The following PRORP variants were observed in gnomAD, a reference collection of about 807,000 sequenced individuals.
The protein encoded by PRORP is protein only RNase P catalytic subunit, also known as mitochondrial ribonuclease P catalytic subunit.
PRORP carries 51 observed loss-of-function variants against 59.4 expected under a neutral mutation model. That is an observed-to-expected ratio of 0.86 (90% CI 0.69 to 1.08). The LOEUF (loss-of-function observed/expected upper bound fraction) is 1.08, where lower values mean the gene tolerates loss of function less well. PRORP is among the 50% of genes least tolerant of loss of function. The probability of loss-of-function intolerance (pLI) is 0.00; values close to 1 mark genes in which losing one functional copy is unlikely to be tolerated. For synonymous variants in PRORP, 231 were observed against 245.6 expected, an observed-to-expected ratio of 0.94 and a Z score of 0.55; for missense variants, 646 against 690.3, an observed-to-expected ratio of 0.94 and a Z score of 0.72.
chr14:35,152,778 C>T (rs1430296088), intron 4 of PRORP, among the ~76,000 whole-genome samples: 2 of 147,584 alleles, frequency 1.4e-5, no homozygotes, highest in African/African-American at 5.0e-5. Context: ...AGAGGCGCTC[C>T]TCACATCCCA....
intron 5 of PRORP, among the ~76,000 whole-genome samples, chr14:35,227,899 C>T (rs1200630134): frequency 6.6e-6 from 1 of 151,946 alleles, no homozygotes; most frequent in African/African-American, 2.4e-5. Flanking sequence ...AATCCCAGCA[C>T]TTTGGGAGGC....
chr14:35,165,022 C>G (rs2048149017), intron 4 of PRORP, among the ~76,000 whole-genome samples: 4 of 152,144 alleles, frequency 2.6e-5, no homozygotes, highest in Non-Finnish European at 1.5e-5. Flanking sequence ...GCACGCCTTG[C>G]TTAAGAATAC....
intron 5 of PRORP, among the ~76,000 whole-genome samples, chr14:35,207,385 C>G (rs76798410): frequency 3.4e-4 from 52 of 152,284 alleles, no homozygotes; most frequent in African/African-American, 1.1e-3. Context: ...AAAAAATTAC[C>G]TTCTTCAATA....
At chr14:35,170,361 A>G (rs1048135948) in intron 4 of PRORP, among the ~76,000 whole-genome samples, 4 of 151,886 alleles carry the variant, frequency 2.6e-5, no homozygotes, top group Non-Finnish European at 5.9e-5. Context: ...TAATTCATCT[A>G]TTGGCTTTTA....
intron 5 of PRORP, among the ~76,000 whole-genome samples, chr14:35,240,736 A>G (rs78505754): frequency 6.6e-6 from 1 of 152,116 alleles, no homozygotes; most frequent in East Asian, 1.9e-4. Context: ...CCTCCTCCAC[A>G]TTGATTAAAT....
At chr14:35,168,577 T>C (rs2048240686) in intron 4 of PRORP, among the ~76,000 whole-genome samples, 1 of 152,162 alleles carries the variant, frequency 6.6e-6, no homozygotes, top group African/African-American at 2.4e-5. Flanking sequence ...CTCAGTTTTC[T>C]TTGTCTTTCT....
At chr14:35,223,752 C>T (rs1001712728) in intron 5 of PRORP, among the ~76,000 whole-genome samples, 1 of 152,194 alleles carries the variant, frequency 6.6e-6, no homozygotes, top group African/African-American at 2.4e-5. Context: ...AGCCACTGCA[C>T]CTGGCCTAGA....
intron 4 of PRORP, among the ~76,000 whole-genome samples, chr14:35,156,644 A>G (rs1164842115): frequency 2.0e-5 from 3 of 152,238 alleles, no homozygotes; most frequent in African/African-American, 4.8e-5. Flanking sequence ...TGTCATATCA[A>G]TAAAAATACT....
At chr14:35,122,040 A>G (rs1201916012), upstream of PRORP, 1 of 1,522,100 alleles carries the variant, frequency 6.6e-7, no homozygotes, top group African/African-American at 1.4e-5. Flanking sequence ...CAGCACCGCC[A>G]GGCCCCGTAA....
At chr14:35,163,247 T>G (rs1441256680) in intron 4 of PRORP, among the ~76,000 whole-genome samples, 1 of 152,100 alleles carries the variant, frequency 6.6e-6, no homozygotes, top group Non-Finnish European at 1.5e-5. Flanking sequence ...AATATACATT[T>G]TATGTAATAA....
chr14:35,256,322 G>A (rs111578521), intron 5 of PRORP, among the ~76,000 whole-genome samples: 1 of 111,276 alleles, frequency 9.0e-6, no homozygotes. Context: ...GAAATTGTGC[G>A]TATCTTTTTT....
chr14:35,248,117 G>T (rs551248066), intron 5 of PRORP, among the ~76,000 whole-genome samples: 19 of 152,244 alleles, frequency 1.2e-4, no homozygotes, highest in Admixed American at 5.2e-4. Context: ...GGAGATAATT[G>T]AAATCTCCCT....
intron 5 of PRORP, among the ~76,000 whole-genome samples, chr14:35,216,028 A>G (rs1397991483): frequency 1.4e-5 from 2 of 147,422 alleles, no homozygotes; most frequent in African/African-American, 4.9e-5. Flanking sequence ...CGGCCTCCCA[A>G]AGTGCTGGGA....
chr14:35,188,349 G>T (rs977984283), intron 5 of PRORP, among the ~76,000 whole-genome samples: 2 of 151,084 alleles, frequency 1.3e-5, no homozygotes, highest in African/African-American at 4.9e-5. Context: ...CACCACTATG[G>T]CTGGCTCTTT....
chr14:35,158,076 C>A (rs944970489), intron 4 of PRORP: 15 of 261,030 alleles, frequency 5.7e-5, no homozygotes, highest in Non-Finnish European at 1.1e-4. Context: ...TGGAGCTCAA[C>A]TTCAGAGTCC....
At chr14:35,207,709 TTAATCC>T (rs1223304826) in intron 5 of PRORP, among the ~76,000 whole-genome samples, 1 of 152,270 alleles carries the variant, frequency 6.6e-6, no homozygotes, top group Admixed American at 6.5e-5. Context: ...AATTCATTCA[TTAATCC>T]ATGTGGGTTT....
rs78464258 is a variant in PRORP, at chr14:35,126,291, G to T, written c.987-444G>T. The stretch of plus-strand genomic sequence containing the variant: ...CATAGTTTTTGAATGCTTCCAAATA[G>T]GCTAGGCATTGCGAGTGTTTTATAA... On this transcript the variant is annotated intron_variant, in intron 2 of 7. Transcript: ENST00000534898. Among the ~76,000 whole-genome samples the T allele has an allele frequency of 1.1e-4, 16 of 152,302 alleles. 1 individual carries two copies. In the East Asian group the frequency reaches 2.7e-3, roughly 26 times the overall value.
chr14:35,171,045 C>A (rs1464695011), intron 4 of PRORP, among the ~76,000 whole-genome samples: 1 of 152,148 alleles, frequency 6.6e-6, no homozygotes, highest in Non-Finnish European at 1.5e-5. Context: ...GATGGGGTTT[C>A]TCCATGTTGG....
intron 5 of PRORP, among the ~76,000 whole-genome samples, chr14:35,240,624 C>T (rs10148872): frequency 0.054 from 8,203 of 152,204 alleles, 355 homozygotes; most frequent in African/African-American, 0.12. Flanking sequence ...ATCAGAAGTT[C>T]ATAGCAGTTT....
Sources: gnomAD v4.1 joint callset for allele counts (sites outside exome capture counted in the v4.1 genomes callset) on GRCh38, gnomAD v4.1.1 for gene constraint, MANE v1.5 for transcripts, NCBI Gene and HGNC (gene_info 2026-07-23, HGNC 2026-07-21) for gene names.